The following THRB variants were observed in gnomAD, a reference collection of about 807,000 sequenced individuals.
THRB encodes the protein thyroid hormone receptor beta.
Under a neutral mutation model 47.8 loss-of-function variants are expected in THRB, and 12 were observed. That is an observed-to-expected ratio of 0.25 (90% CI 0.16 to 0.41). The LOEUF is 0.41. Ranked by LOEUF, THRB falls within the 10% of genes least tolerant of loss-of-function variation. THRB has a pLI of 1.00. For synonymous variants in THRB, 218 were observed against 212.2 expected, an observed-to-expected ratio of 1.03 and a Z score of -0.24; for missense variants, 348 against 589.2, an observed-to-expected ratio of 0.59 and a Z score of 4.24.
intron 2 of THRB, among the ~76,000 whole-genome samples, chr3:24,299,667 C>T (rs987454938): frequency 6.6e-6 from 1 of 150,936 alleles, no homozygotes; most frequent in Non-Finnish European, 1.5e-5. Flanking sequence ...TATTTGTTAA[C>T]AGAATTGGCT....
intron 1 of THRB, among the ~76,000 whole-genome samples, chr3:24,456,479 A>G (rs1257100449): frequency 1.3e-5 from 2 of 152,032 alleles, no homozygotes; most frequent in Admixed American, 6.6e-5. Context: ...AGTTTTCTAC[A>G]TGATAGTGAA....
chr3:24,353,748 A>G (rs1363318296), intron 1 of THRB, among the ~76,000 whole-genome samples: 3 of 152,166 alleles, frequency 2.0e-5, no homozygotes, highest in African/African-American at 4.8e-5. Context: ...CTTTGTATTA[A>G]TAAGCCCCTT....
chr3:24,261,671 C>A (rs2052052142), intron 3 of THRB, among the ~76,000 whole-genome samples: 1 of 152,108 alleles, frequency 6.6e-6, no homozygotes, highest in Non-Finnish European at 1.5e-5. Context: ...TTAGTTCTCT[C>A]CCCACTCTTC....
Position 24,438,209 on chromosome 3 carries a change from A to G in THRB, c.-261+56443T>C, listed in dbSNP as rs2071165747. 2.0e-5 allele frequency among the ~76,000 whole-genome samples: 3 copies of G among 152,114 alleles called. No homozygotes were observed. The South Asian group carries it at 6.2e-4, about 32-fold the overall frequency. On this transcript the variant is annotated intron_variant, in intron 1 of 10. Transcript: ENST00000646209. Reference sequence around the variant, plus strand: ...CCAGAGTCCAGAATGAAGCACATTGATCTAGGCTCCCAAACCAGGCCGTCA... The same window carrying G: ...CCAGAGTCCAGAATGAAGCACATTGGTCTAGGCTCCCAAACCAGGCCGTCA...
chr3:24,419,519 C>T (rs758869005), intron 1 of THRB, among the ~76,000 whole-genome samples: 1 of 151,836 alleles, frequency 6.6e-6, no homozygotes, highest in Non-Finnish European at 1.5e-5. Context: ...GGATCTTCCC[C>T]TTTTGATTCC....
At chr3:24,321,317 T>C (rs1412995243) in intron 2 of THRB, among the ~76,000 whole-genome samples, 1 of 152,168 alleles carries the variant, frequency 6.6e-6, no homozygotes, top group African/African-American at 2.4e-5. Context: ...TCCACATCCC[T>C]AGGCAGTGTA....
intron 3 of THRB, among the ~76,000 whole-genome samples, chr3:24,260,052 C>T (rs1221639408): frequency 1.3e-5 from 2 of 152,142 alleles, no homozygotes; most frequent in Non-Finnish European, 2.9e-5. Context: ...GCTGTCACTC[C>T]CTTATCACCT....
At chr3:24,461,461 A>G (rs2073691368) in intron 1 of THRB, among the ~76,000 whole-genome samples, 1 of 152,240 alleles carries the variant, frequency 6.6e-6, no homozygotes, top group Non-Finnish European at 1.5e-5. Context: ...TATTAGCATT[A>G]TAAAAAACAT....
At chr3:24,244,159 G>C (rs1040678873) in intron 3 of THRB, among the ~76,000 whole-genome samples, 19 of 152,074 alleles carry the variant, frequency 1.2e-4, no homozygotes, top group African/African-American at 4.1e-4. Flanking sequence ...AAGGTATCCT[G>C]AAAGGAGACT....
intron 4 of THRB, among the ~76,000 whole-genome samples, chr3:24,213,755 C>T (rs1037337621): frequency 2.6e-5 from 4 of 152,200 alleles, no homozygotes; most frequent in African/African-American, 2.4e-5. Context: ...ATTTCTGAGC[C>T]AAACCTGTGA....
At chr3:24,295,688 C>A (rs2056384733) in intron 3 of THRB, among the ~76,000 whole-genome samples, 1 of 152,150 alleles carries the variant, frequency 6.6e-6, no homozygotes, top group South Asian at 2.1e-4. Flanking sequence ...CTTAGGAAAA[C>A]CCCGTATCAC....
intron 10 of THRB, 72 bp downstream of exon 10, chr3:24,127,427 C>T: frequency 6.5e-7 from 1 of 1,538,416 alleles, no homozygotes; most frequent in Non-Finnish European, 9.0e-7. Flanking sequence ...ACTGAAAACT[C>T]AAGTGATTGG....
intron 5 of THRB, among the ~76,000 whole-genome samples, chr3:24,161,578 G>T (rs2038820937): frequency 6.8e-6 from 1 of 147,318 alleles, no homozygotes; most frequent in Non-Finnish European, 1.5e-5. Flanking sequence ...CATTTCAAAT[G>T]CCTATGTAAT....
At chr3:24,205,951 C>G (rs1366000706) in intron 4 of THRB, among the ~76,000 whole-genome samples, 1 of 152,196 alleles carries the variant, frequency 6.6e-6, no homozygotes, top group East Asian at 1.9e-4. Context: ...GAAGAGCTAA[C>G]TATCCTAAAT....
At chr3:24,400,806 T>A (rs758858659) in intron 1 of THRB, among the ~76,000 whole-genome samples, 6 of 152,118 alleles carry the variant, frequency 3.9e-5, no homozygotes, top group Non-Finnish European at 7.4e-5. Flanking sequence ...CATATACCTT[T>A]AATTTTACCT....
chr3:24,479,147 A>G (rs919695359), intron 1 of THRB, among the ~76,000 whole-genome samples: 3 of 152,038 alleles, frequency 2.0e-5, no homozygotes, highest in Admixed American at 6.6e-5. Context: ...AAATACAAAA[A>G]AAAAATTTGC....
At chr3:24,143,462 G>A (rs1231145753) in intron 8 of THRB, 39 bp downstream of exon 8, 6 of 1,585,924 alleles carry the variant, frequency 3.8e-6, no homozygotes, top group Non-Finnish European at 5.2e-6. Flanking sequence ...AGAAAACACT[G>A]GCATATAAGT....
chr3:24,395,958 A>C (rs2066928262), intron 1 of THRB, among the ~76,000 whole-genome samples: 1 of 152,092 alleles, frequency 6.6e-6, no homozygotes, highest in Non-Finnish European at 1.5e-5. Context: ...TACAGACAGA[A>C]AGTAGATAAG....
At chr3:24,130,924 T>A (rs1575289215) in intron 9 of THRB, among the ~76,000 whole-genome samples, 1 of 152,234 alleles carries the variant, frequency 6.6e-6, no homozygotes, top group East Asian at 1.9e-4. Context: ...TTCTTTGGAA[T>A]ACTATGTGGT....
Sources: allele counts gnomAD v4.1 joint callset (sites outside exome capture counted in the v4.1 genomes callset), GRCh38; gene constraint gnomAD v4.1.1; transcripts MANE v1.5; gene names NCBI Gene and HGNC (gene_info 2026-07-23, HGNC 2026-07-21).